CHM: variants seen among roughly 807,000 people sequenced by gnomAD.
The protein encoded by CHM is rab proteins geranylgeranyltransferase component A 1.
In CHM, 10 loss-of-function variants were observed where a neutral mutation model predicts 49.0. The observed-to-expected ratio is 0.20, with a 90% CI of 0.13 to 0.35. The LOEUF is 0.35. Ranked by LOEUF, CHM falls within the 10% of genes least tolerant of loss-of-function variation. The pLI is 1.00. For missense variants in CHM, 455 were observed against 478.4 expected (o/e 0.95, Z 0.46); for synonymous variants, 184 against 167.5 (o/e 1.10, Z -0.76).
intron 7 of CHM, 71 bp downstream of exon 7, chrX:85,957,784 A>C: frequency 8.6e-7 from 1 of 1,157,757 alleles, no homozygotes; most frequent in Non-Finnish European, 1.2e-6. Flanking sequence ...GGCTCACTAA[A>C]TCAGAGCAAG....
intron 1 of CHM, among the ~76,000 whole-genome samples, chrX:86,044,270 G>T (rs1934579241): frequency 8.9e-6 from 1 of 111,880 alleles, no homozygotes; most frequent in Non-Finnish European, 1.9e-5. Context: ...GATGTTTGAT[G>T]TAAGTTTGCA....
chrX:86,036,308 G>C (rs950639311), intron 1 of CHM, among the ~76,000 whole-genome samples: 1 of 111,682 alleles, frequency 9.0e-6, no homozygotes, highest in African/African-American at 3.3e-5. Flanking sequence ...AAGCTGGTGG[G>C]GGGGGAAGTG....
chrX:85,935,514 G>GGCTATAT (rs1356595074), intron 8 of CHM, among the ~76,000 whole-genome samples: 2 of 111,749 alleles, frequency 1.8e-5, no homozygotes, highest in Non-Finnish European at 3.8e-5. Flanking sequence ...GACATGCCTA[G>GGCTATAT]GCTATATGCT....
At chrX:85,872,932 A>T in intron 14 of CHM, 120 bp downstream of exon 14, 1 of 644,317 alleles carries the variant, frequency 1.6e-6, no homozygotes, top group Non-Finnish European at 2.4e-6. Flanking sequence ...TTTTAGGGCA[A>T]ATTACAGAAA....
At chrX:85,975,517 C>A (rs906447168) in intron 4 of CHM, among the ~76,000 whole-genome samples, 3 of 111,610 alleles carry the variant, frequency 2.7e-5, no homozygotes, top group African/African-American at 9.8e-5. Flanking sequence ...GGATGAATCT[C>A]CAGGGAATTA....
At chrX:86,040,869 T>A (rs762808412) in intron 1 of CHM, among the ~76,000 whole-genome samples, 13 of 112,029 alleles carry the variant, frequency 1.2e-4, no homozygotes, top group Admixed American at 3.8e-4. Flanking sequence ...TGGCCACAAC[T>A]AAACGCCCCC....
intron 8 of CHM, among the ~76,000 whole-genome samples, chrX:85,928,778 T>C (rs1928245796): frequency 9.0e-6 from 1 of 111,427 alleles, no homozygotes; most frequent in Non-Finnish European, 1.9e-5. Flanking sequence ...TTTCTGCCCC[T>C]TAAGATAAAC....
intron 2 of CHM, among the ~76,000 whole-genome samples, chrX:86,016,725 G>C (rs1396423979): frequency 8.9e-6 from 1 of 112,478 alleles, no homozygotes; most frequent in African/African-American, 3.2e-5. Flanking sequence ...GTGCAGAGGG[G>C]AAATGTGGGG....
chrX:85,906,245 C>G (rs945963581), intron 9 of CHM, among the ~76,000 whole-genome samples: 2 of 111,922 alleles, frequency 1.8e-5, no homozygotes, highest in African/African-American at 3.3e-5. Context: ...GCCAGAATTA[C>G]TAACTTAAAG....
chrX:86,045,462 ATG>A (rs1382531735), intron 1 of CHM, among the ~76,000 whole-genome samples: 1 of 110,554 alleles, frequency 9.0e-6, no homozygotes, highest in East Asian at 2.8e-4. Flanking sequence ...AAAACCTAGA[ATG>A]TGTCACCAAT....
At chrX:86,031,096 C>A (rs1934024661) in intron 1 of CHM, among the ~76,000 whole-genome samples, 2 of 111,384 alleles carry the variant, frequency 1.8e-5, no homozygotes, top group Admixed American at 9.6e-5. Flanking sequence ...CCACATGATT[C>A]CACCTATATG....
At chrX:85,964,911 T>C (rs1487067291) in intron 4 of CHM, among the ~76,000 whole-genome samples, 1 of 112,739 alleles carries the variant, frequency 8.9e-6, no homozygotes, top group African/African-American at 3.2e-5. Context: ...GTTGCCACAC[T>C]GCTCAATACC....
At chrX:85,889,642 G>T (rs1184790868) in intron 12 of CHM, among the ~76,000 whole-genome samples, 1 of 111,952 alleles carries the variant, frequency 8.9e-6, no homozygotes, top group Non-Finnish European at 1.9e-5. Flanking sequence ...AAAGCAGTTT[G>T]GAGATTTCTC....
intron 8 of CHM, among the ~76,000 whole-genome samples, chrX:85,935,006 G>T (rs182540957): frequency 7.9e-4 from 88 of 111,801 alleles, no homozygotes; most frequent in African/African-American, 2.8e-3. Context: ...TGTTTGCACT[G>T]ATATAAAGGA....
intron 2 of CHM, 120 bp downstream of exon 2, chrX:86,027,371 A>T: frequency 1.8e-6 from 1 of 569,879 alleles, no homozygotes; most frequent in Non-Finnish European, 3.0e-6. Context: ...CTTCTAACTT[A>T]AGTTTATGTA....
At chrX:86,001,921 C>A (rs748886830) in intron 2 of CHM, among the ~76,000 whole-genome samples, 1 of 111,080 alleles carries the variant, frequency 9.0e-6, no homozygotes, top group Non-Finnish European at 1.9e-5. Flanking sequence ...ATTAAGCCAG[C>A]CCCATGGTGT....
chrX:85,933,095 T>C lies in CHM; in HGVS notation c.1167-21757A>G, dbSNP rs1329509971. On this transcript the variant is annotated intron_variant, in intron 8 of 14. Transcript: ENST00000357749. ...CACAGTGGTGTGCTTGTAGTCCCAG[T>C]TACTTGGGAGGCTAAGGCAGGAGGA... Among the ~76,000 whole-genome samples, 6 of 111,074 alleles carry C rather than the reference T, an allele frequency of 5.4e-5. 1 individual carries two copies. Among genetic ancestry groups the C allele is most frequent in the Non-Finnish European group, 7.5e-5 (4 of 53,000 alleles).
At chrX:86,015,061 ATT>A (rs34046566) in intron 2 of CHM, among the ~76,000 whole-genome samples, 4 of 106,182 alleles carry the variant, frequency 3.8e-5, no homozygotes, top group African/African-American at 1.0e-4. Flanking sequence ...TGAAAAAGTT[ATT>A]TTTTTTTTTA....
At chrX:85,941,164 T>C (rs1298979829) in intron 8 of CHM, among the ~76,000 whole-genome samples, 1 of 112,184 alleles carries the variant, frequency 8.9e-6, no homozygotes, top group African/African-American at 3.2e-5. Flanking sequence ...AAGACACAGA[T>C]GCTTCTTCAA....
Sources: gnomAD v4.1 joint callset for allele counts (sites outside exome capture counted in the v4.1 genomes callset) on GRCh38, gnomAD v4.1.1 for gene constraint, MANE v1.5 for transcripts, NCBI Gene and HGNC (gene_info 2026-07-23, HGNC 2026-07-21) for gene names.